CAST: variants seen among roughly 807,000 people sequenced by gnomAD.
CAST encodes MIR583 host.
In CAST, 76 loss-of-function variants were observed where a neutral mutation model predicts 119.6. The ratio of observed to expected loss-of-function variants is 0.64; its 90% confidence interval spans 0.53 to 0.77. The LOEUF (loss-of-function observed/expected upper bound fraction) is 0.77, where lower values mean the gene tolerates loss of function less well. Among genes scored for constraint, CAST ranks in the 30% least tolerant of loss-of-function variants. The probability of loss-of-function intolerance (pLI) is 0.00; values close to 1 mark genes in which losing one functional copy is unlikely to be tolerated. For synonymous variants in CAST, 319 were observed against 331.6 expected, an observed-to-expected ratio of 0.96 and a Z score of 0.41; for missense variants, 953 against 946.5, an observed-to-expected ratio of 1.01 and a Z score of -0.09.
the CAST span, among the ~76,000 whole-genome samples, chr5:96,051,578 C>T: frequency 2.0e-5 from 3 of 152,060 alleles, no homozygotes; most frequent in African/African-American, 4.8e-5. Context: ...GTAAAGTTCT[C>T]CCCTAGGGCA....
At chr5:96,644,945 C>T (rs982917141) in intron 1 of CAST, among the ~76,000 whole-genome samples, 2 of 152,314 alleles carry the variant, frequency 1.3e-5, no homozygotes, top group African/African-American at 4.8e-5. Flanking sequence ...CACTGCACTC[C>T]AGCCTGGGTG....
chr5:96,750,668 G>C lies in CAST; in HGVS notation c.1510G>C (p.Glu504Gln). ...GTGTAGTATACAGTCAGCACCCCCTGAGCCGGCTACCTTGGTGAGTGACTC... is the reference window on the plus strand; with the variant it reads ...GTGTAGTATACAGTCAGCACCCCCTCAGCCGGCTACCTTGGTGAGTGACTC... ...SMCSIQSAPP[E>Q]PATLKGTVPD... Residue 504 changes from glutamate to glutamine, a missense_variant, in exon 20 of 32, where the codon GAG becomes CAG. Coordinates refer to ENST00000675179, the MANE Select transcript of CAST (RefSeq NM_001750.7). 6.2e-7 allele frequency: 1 copy of C among 1,612,404 alleles called. No homozygotes were observed. Among genetic ancestry groups the C allele is most frequent in the Non-Finnish European group, 8.5e-7 (1 of 1,178,630 alleles).
the CAST span, among the ~76,000 whole-genome samples, chr5:96,085,683 T>G: frequency 6.6e-6 from 1 of 152,214 alleles, no homozygotes; most frequent in Non-Finnish European, 1.5e-5. Context: ...TGAGCTTAAC[T>G]AGACGTGAAA....
chr5:96,151,579 TC>T, the CAST span, among the ~76,000 whole-genome samples: 1 of 152,204 alleles, frequency 6.6e-6, no homozygotes, highest in South Asian at 2.1e-4. Context: ...GGATTACCTC[TC>T]AAGAAACCAT....
the CAST span, among the ~76,000 whole-genome samples, chr5:96,171,759 A>G: frequency 6.6e-6 from 1 of 152,316 alleles, no homozygotes; most frequent in African/African-American, 2.4e-5. Flanking sequence ...GAGGGATAGA[A>G]AGAGAGGTTG....
chr5:96,573,455 A>T (rs1392487626), intron 1 of CAST, among the ~76,000 whole-genome samples: 2 of 151,994 alleles, frequency 1.3e-5, no homozygotes, highest in African/African-American at 4.8e-5. Flanking sequence ...ACATAGTAAG[A>T]CCTCGTCTCT....
the CAST span, among the ~76,000 whole-genome samples, chr5:96,290,443 C>T: frequency 1.3e-5 from 2 of 150,454 alleles, no homozygotes; most frequent in East Asian, 3.9e-4. Context: ...AGCAATTCCC[C>T]TTTTATTTTC....
At chr5:96,171,014 T>G in the CAST span, among the ~76,000 whole-genome samples, 1 of 151,732 alleles carries the variant, frequency 6.6e-6, no homozygotes, top group Admixed American at 6.6e-5. Context: ...AAAGGAAGAT[T>G]GGAGACTCCG....
intron 1 of CAST, among the ~76,000 whole-genome samples, chr5:96,636,149 C>A (rs1273602385): frequency 1.3e-5 from 2 of 152,172 alleles, no homozygotes; most frequent in Non-Finnish European, 2.9e-5. Flanking sequence ...TGAGTTTGCT[C>A]CATAGTAAGC....
the CAST span, among the ~76,000 whole-genome samples, chr5:96,054,958 T>A: frequency 5.9e-5 from 9 of 152,174 alleles, no homozygotes; most frequent in African/African-American, 2.2e-4. Flanking sequence ...AAATACATAT[T>A]TCATGAATAT....
the CAST span, among the ~76,000 whole-genome samples, chr5:96,238,866 G>A: frequency 6.6e-6 from 1 of 152,124 alleles, no homozygotes; most frequent in South Asian, 2.1e-4. Flanking sequence ...CCAACAATAT[G>A]TTGGATTGAA....
At chr5:96,594,505 C>A (rs565004887) in intron 1 of CAST, among the ~76,000 whole-genome samples, 1 of 152,018 alleles carries the variant, frequency 6.6e-6, no homozygotes, top group Non-Finnish European at 1.5e-5. Flanking sequence ...TTAAAACCAG[C>A]GTTGTAGAAT....
At chr5:96,432,799 CCG>C in the CAST span, 4 of 1,411,572 alleles carry the variant, frequency 2.8e-6, no homozygotes, top group Admixed American at 6.8e-5. Flanking sequence ...ACTTGGAAGA[CCG>C]CGCTCCAGTC....
chr5:96,500,690 C>T, the CAST span, among the ~76,000 whole-genome samples: 3 of 152,268 alleles, frequency 2.0e-5, no homozygotes, highest in Non-Finnish European at 4.4e-5. Flanking sequence ...AAAAACTTTT[C>T]TAAGAATCTC....
intron 1 of CAST, among the ~76,000 whole-genome samples, chr5:96,585,829 T>C (rs78296814): frequency 0.019 from 2,889 of 152,324 alleles, 87 homozygotes; most frequent in African/African-American, 0.058. Context: ...TGAAAAGATA[T>C]AGAGACGTGC....
intron 1 of CAST, among the ~76,000 whole-genome samples, chr5:96,551,566 C>A (rs1746126334): frequency 6.6e-6 from 1 of 152,100 alleles, no homozygotes; most frequent in African/African-American, 2.4e-5. Context: ...TCACACATAA[C>A]AATATTAACC....
chr5:96,159,583 A>G, the CAST span, among the ~76,000 whole-genome samples: 1 of 152,176 alleles, frequency 6.6e-6, no homozygotes, highest in South Asian at 2.1e-4. Flanking sequence ...ATACAGGCAG[A>G]TTAAGTTTAT....
chr5:96,327,327 G>C, the CAST span, among the ~76,000 whole-genome samples: 1 of 152,086 alleles, frequency 6.6e-6, no homozygotes, highest in Non-Finnish European at 1.5e-5. Context: ...CCACACAAGA[G>C]AAAAAAGCAT....
At chr5:96,386,839 C>G in the CAST span, among the ~76,000 whole-genome samples, 1 of 152,084 alleles carries the variant, frequency 6.6e-6, no homozygotes, top group Admixed American at 6.5e-5. Flanking sequence ...GAGGTGGGCA[C>G]CTGTAATCCC....
Sources: allele counts gnomAD v4.1 joint callset (sites outside exome capture counted in the v4.1 genomes callset), GRCh38; gene constraint gnomAD v4.1.1; transcripts MANE v1.5; gene names NCBI Gene and HGNC (gene_info 2026-07-23, HGNC 2026-07-21).